The following ZNF7 variants were observed in gnomAD, a reference collection of about 807,000 sequenced individuals.
ZNF7 encodes zinc finger protein 7, also known as C2-H2 type zinc finger protein.
A neutral mutation model predicts 12.0 loss-of-function variants in ZNF7; 10 were observed. The observed-to-expected ratio is 0.83, with a 90% CI of 0.51 to 1.42. The LOEUF (loss-of-function observed/expected upper bound fraction) is 1.42. Ranked by LOEUF, ZNF7 falls within the 40% of genes most tolerant of loss-of-function variation. The probability of loss-of-function intolerance (pLI) is 0.00; values close to 1 mark genes in which losing one functional copy is unlikely to be tolerated. For missense variants in ZNF7, 854 were observed against 837.2 expected, an observed-to-expected ratio of 1.02 and a Z score of -0.25; for synonymous variants, 334 against 295.0, an observed-to-expected ratio of 1.13 and a Z score of -1.35.
chr8:144,838,057 C>A (rs1327465814), intron 4 of ZNF7: 1 of 631,354 alleles, frequency 1.6e-6, no homozygotes, highest in South Asian at 1.6e-5. Context: ...CAGGGCCGTG[C>A]CCCCCTGTGA....
chr8:144,832,699 G>A (rs913325780), intron 3 of ZNF7, among the ~76,000 whole-genome samples: 2 of 152,326 alleles, frequency 1.3e-5, no homozygotes, highest in Non-Finnish European at 2.9e-5. Context: ...GTGCACTCCA[G>A]CCTGGGTGAC....
At position 144,828,838 on chromosome 8, in the gene ZNF7, A is replaced by C. The variant is rs2130525170; in HGVS notation, c.-45-205A>C. ...CTTTGTGGAGTGAGTCACACATGCC[A>C]CACACACATACACTCTAAAGAGGAA... On this transcript the variant is annotated intron_variant, in intron 1 of 4. Coordinates refer to ENST00000532777, the MANE Select transcript of ZNF7 (RefSeq NM_003416.4). The C allele has an allele frequency of 1.1e-5, 7 of 627,546 alleles. No homozygotes were observed. The East Asian group carries it at 2.0e-4, about 18-fold the overall frequency. 38.9% of individuals were successfully genotyped at this position (627,546 alleles called of 1,614,324 possible). A position where few individuals can be genotyped will look rare whatever the true frequency, so the allele number is the denominator to read the frequency against.
rs2130730849 is a variant in ZNF7, at chr8:144,843,208, A to C, written c.*40A>C. 1 of 1,518,284 alleles carries C rather than the reference A, an allele frequency of 6.6e-7. No homozygotes were observed. The highest frequency in any genetic ancestry group is 2.3e-5 in the East Asian group (1 of 44,148). The allele number at this position is 1,518,284 out of a possible 1,614,324, so 94.1% of individuals were successfully genotyped here. On this transcript the variant is annotated 3_prime_UTR_variant, in exon 5 of 5. Transcript: ENST00000532777. Reference sequence around the variant, plus strand: ...AATGTGTATATATGTGAATAAACCTATAGCCTTAACTTACTTATTTTATAT... The same window carrying C: ...AATGTGTATATATGTGAATAAACCTCTAGCCTTAACTTACTTATTTTATAT...
Position 144,842,287 on chromosome 8 carries a change from G to T in ZNF7, c.1180G>T (p.Ala394Ser). Residue 394 changes from alanine to serine, a missense_variant, in exon 5 of 5, where the codon GCC becomes TCC. By Grantham distance (99) the Ala-to-Ser change is moderately conservative. Coordinates refer to ENST00000532777, the MANE Select transcript of ZNF7 (RefSeq NM_003416.4). Reference sequence around the variant, plus strand: ...TGGGGAGAAAGCTCAAATTCTAAAAGCCTCAGACAGTCCAAGCCTTGTTGC... The same window carrying T: ...TGGGGAGAAAGCTCAAATTCTAAAATCCTCAGACAGTCCAAGCCTTGTTGC... Reference protein sequence around the residue: ...HTGEKAQILKASDSPSLVAHQ... With the variant: ...HTGEKAQILKSSDSPSLVAHQ... 1 of 1,614,024 alleles carries T rather than the reference G, an allele frequency of 6.2e-7. No homozygotes were observed. Among genetic ancestry groups the T allele is most frequent in the South Asian group, 1.1e-5 (1 of 91,088 alleles).
At chr8:144,839,596 T>C (rs902183292) in intron 4 of ZNF7, among the ~76,000 whole-genome samples, 1 of 152,202 alleles carries the variant, frequency 6.6e-6, no homozygotes, top group African/African-American at 2.4e-5. Context: ...AACAAAAAAA[T>C]AGAATCCCAC....
intron 4 of ZNF7, among the ~76,000 whole-genome samples, chr8:144,839,635 C>G (rs1329710555): frequency 6.6e-6 from 1 of 152,236 alleles, no homozygotes; most frequent in African/African-American, 2.4e-5. Flanking sequence ...TTGATGGACC[C>G]AGCACTTGCT....
intron 3 of ZNF7, chr8:144,835,956 G>C (rs1450212196): frequency 6.6e-6 from 1 of 152,198 alleles, no homozygotes; most frequent in African/African-American, 2.4e-5. Flanking sequence ...GGAATTACAG[G>C]TGTGAGCCAC....
Position 144,843,063 on chromosome 8 carries a change from C to G in ZNF7, c.1956C>G (p.His652Gln), listed in dbSNP as rs767890130. ...GGTGGCGTTCACACCTAATTATACA[C>G]CAGAGAATTCACACCGGGGAGAAGC... ...IFRWRSHLII[H>Q]QRIHTGEKPY... Residue 652 changes from histidine (H) to glutamine (Q), a missense_variant, in exon 5 of 5, where the codon CAC becomes CAG. Transcript: ENST00000532777. 2 of 1,613,904 alleles carry G rather than the reference C, an allele frequency of 1.2e-6. No individual in the cohort carries two copies. The highest frequency in any genetic ancestry group is 3.3e-5 in the Admixed American group (2 of 59,986).
intron 3 of ZNF7, among the ~76,000 whole-genome samples, chr8:144,831,781 T>TA (rs34934472): frequency 0.082 from 5,282 of 64,240 alleles, 1,084 homozygotes; most frequent in African/African-American, 0.21. Flanking sequence ...AGACTCCATC[T>TA]AAAAAAAAAA....
rs1281408344 is a variant in ZNF7 at position 144,843,534 on chromosome 8, G to A, written c.*366G>A. On this transcript the variant is annotated 3_prime_UTR_variant, in exon 5 of 5. Coordinates refer to ENST00000532777, the MANE Select transcript of ZNF7 (RefSeq NM_003416.4). ...GCCCAGGAGGCGGAGCTTGCAGTGA[G>A]CTGAGATCGCGCCACTGCACTCCAG... is the stretch of plus-strand genomic sequence containing the variant. The A allele has an allele frequency of 1.3e-5, 2 of 156,054 alleles. No homozygotes were observed. The highest frequency in any genetic ancestry group is 2.0e-4 in the South Asian group (1 of 5,072). The allele number at this position is 156,054 out of a possible 1,614,324, so 9.7% of individuals were successfully genotyped here. A position where few individuals can be genotyped will look rare whatever the true frequency, so the allele number is the denominator to read the frequency against.
At chr8:144,840,542 G>A (rs755108349) in intron 4 of ZNF7, among the ~76,000 whole-genome samples, 3 of 152,200 alleles carry the variant, frequency 2.0e-5, no homozygotes, top group Non-Finnish European at 2.9e-5. Context: ...TCCTGTCATG[G>A]TTTGATCACA....
intron 3 of ZNF7, chr8:144,830,914 C>G (rs1178120830): frequency 4.4e-6 from 2 of 457,592 alleles, no homozygotes; most frequent in Non-Finnish European, 8.8e-6. Context: ...AAGGGTACTT[C>G]TAATGTTTCT....
chr8:144,839,491 A>G (rs1423144996), intron 4 of ZNF7, among the ~76,000 whole-genome samples: 2 of 152,264 alleles, frequency 1.3e-5, no homozygotes, highest in African/African-American at 4.8e-5. Context: ...AGGAGCGTTT[A>G]AAGAGGGTGC....
chr8:144,844,054 G>A (rs1451926866), downstream of ZNF7, among the ~76,000 whole-genome samples: 3 of 152,186 alleles, frequency 2.0e-5, no homozygotes, highest in Non-Finnish European at 4.4e-5. Context: ...ACCAGTGCCA[G>A]GCACAGAAGC....
Position 144,841,944 on chromosome 8 carries a change from A to C in ZNF7, c.837A>C (p.Lys279Asn). 2 of 1,614,036 alleles carry C rather than the reference A, an allele frequency of 1.2e-6. No homozygotes were observed. Among genetic ancestry groups the C allele is most frequent in the South Asian group, 2.2e-5 (2 of 91,070 alleles). Residue 279 changes from lysine (K) to asparagine (N), a missense_variant, in exon 5 of 5, where the codon AAA becomes AAC. Coordinates refer to ENST00000532777, the MANE Select transcript of ZNF7 (RefSeq NM_003416.4). ...TCCACACGGGAGAGAAACCCTTTAA[A>C]TGCACTGAGTGTGGAAAAGCCTTCC... ...QRIHTGEKPF[K>N]CTECGKAFRL...
At chr8:144,844,183 C>T (rs1830346384), downstream of ZNF7, among the ~76,000 whole-genome samples, 1 of 152,176 alleles carries the variant, frequency 6.6e-6, no homozygotes, top group Non-Finnish European at 1.5e-5. Flanking sequence ...AAAACATGCA[C>T]TGTGAGAGGG....
chr8:144,838,443 CCT>C (rs1829347299), intron 4 of ZNF7: 2 of 385,504 alleles, frequency 5.2e-6, no homozygotes, highest in South Asian at 4.3e-5. Context: ...GCTCTGCTCC[CCT>C]GCTTAGCCGG....
chr8:144,835,399 G>A (rs1828882174), intron 3 of ZNF7: 1 of 152,030 alleles, frequency 6.6e-6, no homozygotes, highest in Non-Finnish European at 1.5e-5. Context: ...GTTGGGGTCT[G>A]TCATGTTGCC....
intron 1 of ZNF7, among the ~76,000 whole-genome samples, chr8:144,828,561 G>T (rs956352848): frequency 6.6e-6 from 1 of 152,124 alleles, no homozygotes; most frequent in African/African-American, 2.4e-5. Context: ...TATTCCTGCT[G>T]CCTGGAGTGC....
Sources: allele counts gnomAD v4.1 joint callset (sites outside exome capture counted in the v4.1 genomes callset), GRCh38; gene constraint gnomAD v4.1.1; transcripts MANE v1.5; gene names NCBI Gene and HGNC (gene_info 2026-07-23, HGNC 2026-07-21).